Variants in NCK2 observed in about 807,000 individuals in gnomAD.
The protein encoded by NCK2 is NCK adaptor protein 2.
NCK2 carries 16 observed loss-of-function variants against 33.9 expected under a neutral mutation model. That is an observed-to-expected ratio of 0.47 (90% CI 0.32 to 0.72). The LOEUF (loss-of-function observed/expected upper bound fraction) is 0.72, where lower values mean the gene tolerates loss of function less well. Among genes scored for constraint, NCK2 ranks in the 30% least tolerant of loss-of-function variants. NCK2 has a pLI of 0.03. For missense variants in NCK2, 418 were observed against 537.3 expected (o/e 0.78, Z 2.19); for synonymous variants, 273 against 239.9 (o/e 1.14, Z -1.27).
At chr2:105,858,402 T>C in intron 3 of NCK2, among the ~76,000 whole-genome samples, 1 of 152,148 alleles carries the variant, frequency 6.6e-6, no homozygotes. Context: ...GGGCATGCAC[T>C]ACCACACCCA....
intron 1 of NCK2, among the ~76,000 whole-genome samples, chr2:105,806,252 T>TC (rs1199147412): frequency 7.3e-6 from 1 of 137,396 alleles, no homozygotes; most frequent in African/African-American, 2.5e-5. Context: ...TTTTTTTTTT[T>TC]TTTGAGACAG....
intron 1 of NCK2, among the ~76,000 whole-genome samples, chr2:105,781,463 C>G (rs1420885286): frequency 6.6e-6 from 1 of 152,224 alleles, no homozygotes; most frequent in Non-Finnish European, 1.5e-5. Flanking sequence ...CCCTCCTTGG[C>G]CTTCTAGTCC....
intron 2 of NCK2, among the ~76,000 whole-genome samples, chr2:105,836,443 T>TG (rs1676440793): frequency 6.6e-6 from 1 of 152,048 alleles, no homozygotes; most frequent in African/African-American, 2.4e-5. Context: ...TTTGGAGGCG[T>TG]GGTGTGGCTT....
intron 1 of NCK2, among the ~76,000 whole-genome samples, chr2:105,785,203 C>T (rs1690634806): frequency 6.6e-6 from 1 of 152,212 alleles, no homozygotes; most frequent in Non-Finnish European, 1.5e-5. Context: ...TGGTCTCCAT[C>T]TCCTGACCTC....
chr2:105,854,911 G>A lies in NCK2; in HGVS notation c.-16-137G>A, dbSNP rs191132885. 2.1e-5 allele frequency: 13 copies of A among 618,370 alleles called. No homozygotes were observed. The African/African-American group carries it at 2.4e-4, about 11-fold the overall frequency. The allele number at this position is 618,370 out of a possible 1,614,324, so 38.3% of individuals were successfully genotyped here. A position where few individuals can be genotyped will look rare whatever the true frequency, so the allele number is the denominator to read the frequency against. On this transcript the variant is annotated intron_variant, in intron 2 of 4. Coordinates refer to ENST00000233154, the MANE Select transcript of NCK2 (RefSeq NM_003581.5). ...GTTGAAAGAAGGTCATTTTAAAGTT[G>A]AGCATTTCAAGACCCAGGAGAAAAC...
At chr2:105,765,310 A>G (rs1046257244) in intron 1 of NCK2, among the ~76,000 whole-genome samples, 1 of 152,256 alleles carries the variant, frequency 6.6e-6, no homozygotes, top group African/African-American at 2.4e-5. Flanking sequence ...GAGAATTTGT[A>G]CATACTGTGA....
chr2:105,804,613 CAT>C (rs981442795), intron 1 of NCK2, among the ~76,000 whole-genome samples: 3 of 152,168 alleles, frequency 2.0e-5, no homozygotes, highest in African/African-American at 7.2e-5. Flanking sequence ...CATAGGAAGT[CAT>C]ATATATGCTC....
chr2:105,846,746 G>C (rs941707246), intron 2 of NCK2: 1 of 152,278 alleles, frequency 6.6e-6, no homozygotes, highest in East Asian at 1.9e-4. Flanking sequence ...TGCAGCCTCC[G>C]TGGAAGACAT....
intron 1 of NCK2, among the ~76,000 whole-genome samples, chr2:105,811,734 G>A (rs58597816): frequency 0.23 from 34,672 of 151,998 alleles, 6,374 homozygotes; most frequent in African/African-American, 0.49. Flanking sequence ...TGTCCAGCCC[G>A]CTGCCACTGG....
At chr2:105,878,843 T>C (rs1558883332) in intron 3 of NCK2, among the ~76,000 whole-genome samples, 1 of 152,228 alleles carries the variant, frequency 6.6e-6, no homozygotes, top group Non-Finnish European at 1.5e-5. Flanking sequence ...CTATGTGCAA[T>C]GTTCCAGTCT....
chr2:105,828,185 A>G (rs1337755455), intron 2 of NCK2, among the ~76,000 whole-genome samples: 1 of 152,222 alleles, frequency 6.6e-6, no homozygotes, highest in Non-Finnish European at 1.5e-5. Flanking sequence ...AGAAGTGTGC[A>G]AGCTTACATA....
intron 1 of NCK2, among the ~76,000 whole-genome samples, chr2:105,746,840 G>T (rs541802198): frequency 5.3e-5 from 8 of 152,300 alleles, no homozygotes; most frequent in Admixed American, 2.6e-4. Context: ...TGGTCTTCTG[G>T]CGGCTACTTG....
At chr2:105,764,269 C>G (rs541253161) in intron 1 of NCK2, among the ~76,000 whole-genome samples, 162 of 152,392 alleles carry the variant, frequency 1.1e-3, no homozygotes, top group African/African-American at 3.6e-3. Flanking sequence ...ACCTTTGCAT[C>G]CGCACCCTGC....
chr2:105,788,406 T>A (rs1690757436), intron 1 of NCK2, among the ~76,000 whole-genome samples: 1 of 152,196 alleles, frequency 6.6e-6, no homozygotes, highest in Non-Finnish European at 1.5e-5. Flanking sequence ...TTTCCATGCT[T>A]AGGTTTCCTT....
At chr2:105,890,342 T>G (rs1678918430) in intron 4 of NCK2, among the ~76,000 whole-genome samples, 2 of 152,226 alleles carry the variant, frequency 1.3e-5, no homozygotes. Context: ...TGGGTGTATC[T>G]TACATCTACC....
chr2:105,807,004 A>G (rs765732618), intron 1 of NCK2, among the ~76,000 whole-genome samples: 4 of 152,100 alleles, frequency 2.6e-5, no homozygotes, highest in Non-Finnish European at 4.4e-5. Flanking sequence ...ATCCTATCCC[A>G]CACCCTCATG....
intron 1 of NCK2, among the ~76,000 whole-genome samples, chr2:105,811,802 A>T (rs1675301548): frequency 6.6e-6 from 1 of 152,062 alleles, no homozygotes; most frequent in African/African-American, 2.4e-5. Flanking sequence ...GGATCTCTTC[A>T]GCCTCTTGAA....
intron 1 of NCK2, among the ~76,000 whole-genome samples, chr2:105,774,644 G>A (rs1690245182): frequency 1.3e-5 from 2 of 152,078 alleles, no homozygotes; most frequent in African/African-American, 4.8e-5. Context: ...TCTAGACCTG[G>A]CTGTTGGGGC....
At chr2:105,834,641 A>G (rs145432883) in intron 2 of NCK2, among the ~76,000 whole-genome samples, 33 of 93,806 alleles carry the variant, frequency 3.5e-4, no homozygotes, top group African/African-American at 1.4e-3. Context: ...TAATTCATTT[A>G]CATTAAAGGG....
Sources: gnomAD v4.1 joint callset for allele counts (sites outside exome capture counted in the v4.1 genomes callset) on GRCh38, gnomAD v4.1.1 for gene constraint, MANE v1.5 for transcripts, NCBI Gene and HGNC (gene_info 2026-07-23, HGNC 2026-07-21) for gene names.